Variants in TBL1X observed in about 807,000 individuals in gnomAD.
TBL1X encodes the protein transducin beta like 1 X-linked.
In TBL1X, 10 loss-of-function variants were observed where a neutral mutation model predicts 50.7. The ratio of observed to expected loss-of-function variants is 0.20; its 90% CI spans 0.12 to 0.33. The LOEUF (loss-of-function observed/expected upper bound fraction) is 0.33. Ranked by LOEUF, TBL1X falls within the 10% of genes least tolerant of loss-of-function variation. The probability of loss-of-function intolerance (pLI) is 1.00; values close to 1 mark genes in which losing one functional copy is unlikely to be tolerated. For synonymous variants in TBL1X, 190 were observed against 214.7 expected (o/e 0.88, Z 1.01); for missense variants, 340 against 504.4 (o/e 0.67, Z 3.12).
intron 6 of TBL1X, among the ~76,000 whole-genome samples, chrX:9,684,933 G>T (rs938728287): frequency 8.9e-6 from 1 of 112,682 alleles, no homozygotes; most frequent in Admixed American, 9.4e-5. Context: ...CTGTATTTCA[G>T]CAGAACCCGG....
intron 13 of TBL1X, among the ~76,000 whole-genome samples, chrX:9,708,233 G>A (rs2083221774): frequency 9.0e-6 from 1 of 111,721 alleles, no homozygotes; most frequent in South Asian, 3.8e-4. Flanking sequence ...CTTGGCCCCT[G>A]GGTACATTCA....
At chrX:9,516,731 G>A (rs945016466) in intron 2 of TBL1X, among the ~76,000 whole-genome samples, 2 of 112,094 alleles carry the variant, frequency 1.8e-5, no homozygotes, top group African/African-American at 6.5e-5. Flanking sequence ...TCATTGGAAC[G>A]ACTGTCCCCT....
intron 2 of TBL1X, among the ~76,000 whole-genome samples, chrX:9,529,457 A>T (rs993660718): frequency 2.7e-5 from 3 of 111,848 alleles, no homozygotes; most frequent in Non-Finnish European, 5.6e-5. Context: ...GAGGGGTTGC[A>T]GACATTGTGT....
At chrX:9,658,377 A>C (rs2082876829) in intron 5 of TBL1X, among the ~76,000 whole-genome samples, 1 of 110,635 alleles carries the variant, frequency 9.0e-6, no homozygotes, top group Non-Finnish European at 1.9e-5. Context: ...TTACCATCCC[A>C]GGAGGAGAGA....
At chrX:9,577,227 C>T (rs779783464) in intron 2 of TBL1X, among the ~76,000 whole-genome samples, 3 of 111,658 alleles carry the variant, frequency 2.7e-5, no homozygotes, top group Non-Finnish European at 5.6e-5. Context: ...GCCCCACATT[C>T]GGCTCTTGGG....
intron 12 of TBL1X, among the ~76,000 whole-genome samples, chrX:9,704,651 G>A (rs1471808195): frequency 6.3e-5 from 7 of 111,351 alleles, no homozygotes; most frequent in Non-Finnish European, 9.4e-5. Flanking sequence ...TTGGGAGGCC[G>A]AGGCGGGTAG....
chrX:9,549,573 G>A (rs1430936426), intron 2 of TBL1X, among the ~76,000 whole-genome samples: 3 of 111,069 alleles, frequency 2.7e-5, no homozygotes, highest in South Asian at 3.8e-4. Context: ...AGAGTCCGCC[G>A]ACCCCCTCTC....
At chrX:9,630,282 T>TC (rs2082714370) in intron 2 of TBL1X, among the ~76,000 whole-genome samples, 1 of 111,919 alleles carries the variant, frequency 8.9e-6, no homozygotes, top group Admixed American at 9.5e-5. Flanking sequence ...TTTCTTTGCC[T>TC]CCGAAATATC....
At chrX:9,666,545 A>G (rs1297819037) in intron 5 of TBL1X, among the ~76,000 whole-genome samples, 1 of 112,494 alleles carries the variant, frequency 8.9e-6, no homozygotes, top group African/African-American at 3.2e-5. Context: ...AATGTCTTCA[A>G]CATTTATACA....
At chrX:9,492,601 G>A (rs761299883) in intron 1 of TBL1X, among the ~76,000 whole-genome samples, 1 of 111,450 alleles carries the variant, frequency 9.0e-6, no homozygotes, top group South Asian at 3.8e-4. Flanking sequence ...ACCAATGTCC[G>A]TTTTTGGAAA....
intron 2 of TBL1X, among the ~76,000 whole-genome samples, chrX:9,509,345 G>A (rs1394466674): frequency 5.1e-5 from 4 of 78,864 alleles, no homozygotes; most frequent in Admixed American, 1.7e-4. Context: ...GAGCTGAGGC[G>A]ACAAAGCGAG....
At chrX:9,613,364 C>G (rs936189425) in intron 2 of TBL1X, among the ~76,000 whole-genome samples, 3 of 111,033 alleles carry the variant, frequency 2.7e-5, no homozygotes, top group African/African-American at 1.0e-4. Flanking sequence ...CACTGAGAAA[C>G]AGACCCCTTA....
At chrX:9,670,510 CCT>C (rs1428780558) in intron 5 of TBL1X, among the ~76,000 whole-genome samples, 17 of 112,220 alleles carry the variant, frequency 1.5e-4, no homozygotes, top group Non-Finnish European at 3.2e-4. Flanking sequence ...TTACAATTCC[CCT>C]GTCTTGATAA....
intron 2 of TBL1X, among the ~76,000 whole-genome samples, chrX:9,630,363 AT>A (rs2082714779): frequency 8.9e-6 from 1 of 111,824 alleles, no homozygotes; most frequent in East Asian, 2.8e-4. Flanking sequence ...GCTGAATAGA[AT>A]ACAGTCATCC....
At chrX:9,476,050 G>T (rs1473650376) in intron 1 of TBL1X, among the ~76,000 whole-genome samples, 2 of 111,874 alleles carry the variant, frequency 1.8e-5, no homozygotes, top group Non-Finnish European at 3.8e-5. Flanking sequence ...CCTTTGATAA[G>T]CTGAAATATT....
chrX:9,565,381 A>T (rs1170587718), intron 2 of TBL1X, among the ~76,000 whole-genome samples: 5 of 110,965 alleles, frequency 4.5e-5, no homozygotes, highest in Non-Finnish European at 9.4e-5. Context: ...TGAAAAAAAA[A>T]GTTATATGAG....
chrX:9,585,977 C>CA (rs1305011640), intron 2 of TBL1X, among the ~76,000 whole-genome samples: 1 of 111,455 alleles, frequency 9.0e-6, no homozygotes, highest in Admixed American at 9.5e-5. Flanking sequence ...ATCAAAAAAA[C>CA]AAAAAAACCA....
chrX:9,492,875 GTGTGTGTGTGTGTGTGTGTGTGTA>G (rs2081952699), intron 1 of TBL1X, among the ~76,000 whole-genome samples: 1 of 49,651 alleles, frequency 2.0e-5, no homozygotes, highest in African/African-American at 8.1e-5. Flanking sequence ...GTGTGTGTGT[GTGTGTGTGTGTGTGTGTGTGTGTA>G]GGGGAGGAAG....
chrX:9,645,460 C>A (rs2082799258), intron 3 of TBL1X: 1 of 111,952 alleles, frequency 8.9e-6, no homozygotes, highest in African/African-American at 3.3e-5. Flanking sequence ...CGTGCTTTTC[C>A]CACACAGTCC....
Sources: gnomAD v4.1 joint callset for allele counts (sites outside exome capture counted in the v4.1 genomes callset) on GRCh38, gnomAD v4.1.1 for gene constraint, MANE v1.5 for transcripts, NCBI Gene and HGNC (gene_info 2026-07-23, HGNC 2026-07-21) for gene names.